The following REXO2 variants were observed in gnomAD, a reference collection of about 807,000 sequenced individuals.
The protein encoded by REXO2 is RNA exonuclease 2.
Under a neutral mutation model 30.9 loss-of-function variants are expected in REXO2, and 17 were observed. The ratio of observed to expected loss-of-function variants is 0.55; its 90% confidence interval spans 0.38 to 0.82. The LOEUF (loss-of-function observed/expected upper bound fraction) is 0.82, where lower values mean the gene tolerates loss of function less well. Among genes scored for constraint, REXO2 ranks in the 40% least tolerant of loss-of-function variants. The pLI, the probability that REXO2 is intolerant of heterozygous loss-of-function variation, is 0.00. For synonymous variants in REXO2, 105 were observed against 99.6 expected, an observed-to-expected ratio of 1.05 and a Z score of -0.32; for missense variants, 253 against 293.2, an observed-to-expected ratio of 0.86 and a Z score of 1.00.
intron 4 of REXO2, chr11:114,445,358 A>G (rs639797): frequency 0.98 from 148,844 of 152,348 alleles, 72,733 homozygotes; most frequent in East Asian, 1. Context: ...AGGTATATGT[A>G]CGTTTGTATA....
In REXO2 at chr11:114,449,829, G is replaced by A. The variant is rs757789561; in HGVS notation, c.585-17G>A. 3.7e-6 allele frequency: 6 copies of A among 1,600,434 alleles called. No individual in the cohort carries two copies. The highest frequency in any genetic ancestry group is 5.1e-6 in the Non-Finnish European group (6 of 1,174,478). Reference sequence around the variant, plus strand: ...TGGTTTTGGACAGTTCATTCATTGTGGTATGTTTGCTTATAGGGCACTTGA... The same window carrying A: ...TGGTTTTGGACAGTTCATTCATTGTAGTATGTTTGCTTATAGGGCACTTGA... On this transcript the variant is annotated splice_polypyrimidine_tract_variant and intron_variant, in intron 6 of 6. Transcript: ENST00000265881.
At chr11:114,443,717 AG>A in intron 2 of REXO2, 138 bp from the exon 3 acceptor site, 1 of 612,586 alleles carries the variant, frequency 1.6e-6, no homozygotes, top group Non-Finnish European at 2.9e-6. Context: ...GCTGGAATGA[AG>A]GGGGAACACT....
chr11:114,449,764 GT>G, intron 6 of REXO2, 81 bp from the exon 7 acceptor site: 1 of 1,448,894 alleles, frequency 6.9e-7, no homozygotes, highest in Admixed American at 2.3e-5. Flanking sequence ...TTCTTAAGTC[GT>G]TTTTTAAAAG....
In REXO2 at chr11:114,439,622, G is replaced by T; in HGVS notation, c.94G>T (p.Ala32Ser). The T allele has an allele frequency of 6.2e-7, 1 of 1,603,262 alleles. No homozygotes were observed. ...GARGVREGGA[A>S]MAAGESMAQR... ...CCGAGGTGTCCGCGAAGGTGGCGCA[G>T]CCATGGCGGCAGGGGAGAGCATGGC... The change falls in exon 1 of 7, where the codon GCC (alanine) becomes TCC (serine). Residue 32 changes from alanine to serine, a missense_variant. Transcript: ENST00000265881.
intron 2 of REXO2, among the ~76,000 whole-genome samples, chr11:114,443,191 C>T (rs1423648813): frequency 6.6e-6 from 1 of 151,684 alleles, no homozygotes; most frequent in African/African-American, 2.4e-5. Context: ...ACTGTAACCT[C>T]GAACTCCTGG....
intron 1 of REXO2, chr11:114,440,243 G>C: frequency 2.3e-6 from 1 of 428,918 alleles, no homozygotes; most frequent in Non-Finnish European, 4.6e-6. Context: ...CCACCGTTGA[G>C]CCTCAGTTTA....
At chr11:114,439,806 G>C in intron 1 of REXO2, 131 bp downstream of exon 1, 1 of 1,083,450 alleles carries the variant, frequency 9.2e-7, no homozygotes, top group Non-Finnish European at 1.3e-6. Context: ...GGCCGGCCAC[G>C]GGCGGTGCAG....
rs750259236 is a variant in REXO2 at position 114,440,636 on chromosome 11, A to G, written c.148-20A>G. 1.9e-6 allele frequency: 3 copies of G among 1,569,730 alleles called. No individual in the cohort carries two copies. The highest frequency in any genetic ancestry group is 2.2e-5 in the East Asian group (1 of 44,628). Reference sequence around the variant, plus strand: ...AGAATGATGGCTTTGTGTGTGTTATATATTTATTTTTAATTGCAGATGACA... The same window carrying G: ...AGAATGATGGCTTTGTGTGTGTTATGTATTTATTTTTAATTGCAGATGACA... On this transcript the variant is annotated intron_variant, in intron 1 of 6. Transcript: ENST00000265881.
At position 114,444,531 on chromosome 11, in the gene REXO2, T is replaced by A; in HGVS notation, c.310-10T>A. On this transcript the variant is annotated splice_polypyrimidine_tract_variant and intron_variant, in intron 3 of 6. Coordinates refer to ENST00000265881, the MANE Select transcript of REXO2 (RefSeq NM_015523.4). ...GTTTTTGGTGGGGGGCTGGGGATTC[T>A]CTCTTGCAGTCTGGCCTTACCAAGG... 6.3e-7 allele frequency: 1 copy of A among 1,591,210 alleles called. No individual in the cohort carries two copies. Among genetic ancestry groups the A allele is most frequent in the South Asian group, 1.1e-5 (1 of 88,662 alleles).
chr11:114,441,864 C>G lies in REXO2; in HGVS notation c.231+1125C>G, dbSNP rs1347873282. 13 of 639,176 alleles carry G rather than the reference C, an allele frequency of 2.0e-5. No individual in the cohort carries two copies. In the East Asian group the frequency reaches 3.6e-4, roughly 18 times the overall value. 39.6% of individuals were successfully genotyped at this position (639,176 alleles called of 1,614,324 possible). The stretch of plus-strand genomic sequence containing the variant: ...GACTTTGTACTTCTCATCATAACAA[C>G]TTTTTTAACTTTGTATAAATAAAGC... On this transcript the variant is annotated intron_variant, in intron 2 of 6. Transcript: ENST00000265881.
At chr11:114,447,969 T>C (rs2134787974) in intron 6 of REXO2, 90 bp downstream of exon 6, 1 of 961,634 alleles carries the variant, frequency 1.0e-6, no homozygotes. Flanking sequence ...CCTTAACTCT[T>C]TTTTCTCGGG....
chr11:114,445,830 C>T (rs1490868728), intron 4 of REXO2, 149 bp from the exon 5 acceptor site: 2 of 591,554 alleles, frequency 3.4e-6, no homozygotes, highest in Non-Finnish European at 6.0e-6. Context: ...TCACATTTAC[C>T]CAAACCTGAT....
In REXO2 at chr11:114,447,870, C is replaced by T; in HGVS notation, c.575C>T (p.Ala192Val). The change falls in exon 6 of 7, where the codon GCT (alanine) becomes GTT (valine). Residue 192 changes from alanine to valine, a missense_variant. Transcript: ENST00000265881. ...EEYEFAPKKA[A>V]SHRALDDISE... ...TATGAATTTGCACCAAAGAAGGCTGCTTCTCATAGGTAAGTTTGAGTTCTA... is the reference window on the plus strand; with the variant it reads ...TATGAATTTGCACCAAAGAAGGCTGTTTCTCATAGGTAAGTTTGAGTTCTA... The T allele has an allele frequency of 6.2e-7, 1 of 1,613,640 alleles. No homozygotes were observed. The highest frequency in any genetic ancestry group is 8.5e-7 in the Non-Finnish European group (1 of 1,179,790).
intron 2 of REXO2, 151 bp from the exon 3 acceptor site, chr11:114,443,705 G>T: frequency 3.4e-6 from 2 of 585,320 alleles, no homozygotes; most frequent in Admixed American, 2.9e-5. Flanking sequence ...TTAATGAACA[G>T]TGCTGGAATG....
chr11:114,441,784 G>A (rs774280990), intron 2 of REXO2: 3 of 702,222 alleles, frequency 4.3e-6, no homozygotes, highest in Non-Finnish European at 5.2e-6. Context: ...TAATGACTGC[G>A]TTTGTGGAGT....
chr11:114,442,844 T>C (rs750493975), intron 2 of REXO2, among the ~76,000 whole-genome samples: 2 of 152,230 alleles, frequency 1.3e-5, no homozygotes, highest in Admixed American at 6.5e-5. Context: ...ATTTGAGGGC[T>C]ACTTTGTGTT....
Position 114,445,823 on chromosome 11 carries a change from C to T in REXO2, c.422-156C>T, listed in dbSNP as rs1241756574. On this transcript the variant is annotated intron_variant, in intron 4 of 6. Transcript: ENST00000265881. ...GAAATCTGTACTTGTAAGCTAATCA[C>T]ATTTACCCAAACCTGATTTAGAAAT... 1.0e-5 allele frequency: 6 copies of T among 584,770 alleles called. No individual in the cohort carries two copies. The Admixed American group carries it at 1.2e-4, about 12-fold the overall frequency. 36.2% of individuals were successfully genotyped at this position (584,770 alleles called of 1,614,324 possible).
At position 114,440,712 on chromosome 11, in the gene REXO2, T is replaced by G. The variant is rs755695872; in HGVS notation, c.204T>G (p.Thr68=). 1 of 1,613,880 alleles carries G rather than the reference T, an allele frequency of 6.2e-7. No individual in the cohort carries two copies. Among genetic ancestry groups the G allele is most frequent in the Non-Finnish European group, 8.5e-7 (1 of 1,179,792 alleles). Residue 68 remains threonine (T), a synonymous_variant, in exon 2 of 7, where the codon ACT becomes ACG. Transcript: ENST00000265881. The part of the protein sequence containing the change: ...DQIIEMACLI[T]DSDLNILAEG... ...TTATTGAGATGGCCTGTCTGATAAC[T>G]GACTCTGATCTCAACATTTTGGCTG...
chr11:114,449,245 T>C (rs1565272247), intron 6 of REXO2: 1 of 152,272 alleles, frequency 6.6e-6, no homozygotes. Context: ...TTAGGTACTG[T>C]TTGATAATTG....
Sources: gnomAD v4.1 joint callset for allele counts (sites outside exome capture counted in the v4.1 genomes callset) on GRCh38, gnomAD v4.1.1 for gene constraint, MANE v1.5 for transcripts, NCBI Gene and HGNC (gene_info 2026-07-23, HGNC 2026-07-21) for gene names.